Variants in PLCE1 observed in about 807,000 individuals in gnomAD.
PLCE1 encodes 1-phosphatidylinositol 4,5-bisphosphate phosphodiesterase epsilon-1.
In PLCE1, 119 loss-of-function variants were observed where a neutral mutation model predicts 242.8. The observed-to-expected ratio is 0.49, with a 90% CI of 0.42 to 0.57. The LOEUF (loss-of-function observed/expected upper bound fraction) is 0.57. PLCE1 is among the 20% of genes least tolerant of loss of function. The pLI is 0.00. For missense variants in PLCE1, 2,441 were observed against 2,788.8 expected (o/e 0.88, Z 2.81); for synonymous variants, 945 against 1,017.4 (o/e 0.93, Z 1.35).
Position 94,031,881 on chromosome 10 carries a change from G to C in PLCE1, c.835G>C (p.Gly279Arg). Residue 279 changes from glycine to arginine, a missense_variant, in exon 2 of 33, where the codon GGT (glycine) becomes CGT (arginine). Gly to Arg is a moderately radical substitution (Grantham distance 125). Transcript: ENST00000371380. ...TGAGAAGGTTGACATGGTATATTCA[G>C]GTGATAGCTTTTGTAGGAAAGACTT... is the stretch of plus-strand genomic sequence containing the variant. ...SCEKVDMVYS[G>R]DSFCRKDFTD... is the part of the protein sequence containing the mutation. 1 of 1,613,848 alleles carries C rather than the reference G, an allele frequency of 6.2e-7. No individual in the cohort carries two copies. The highest frequency in any genetic ancestry group is 8.5e-7 in the Non-Finnish European group (1 of 1,179,862).
intron 3 of PLCE1, among the ~76,000 whole-genome samples, chr10:94,160,276 A>G (rs934843707): frequency 1.3e-5 from 2 of 152,124 alleles, no homozygotes; most frequent in African/African-American, 4.8e-5. Flanking sequence ...CCTCTCCAGC[A>G]CCTGTTGTTT....
chr10:94,004,549 A>G (rs1223584), intron 1 of PLCE1, among the ~76,000 whole-genome samples: 81,846 of 152,016 alleles, frequency 0.54, 23,139 homozygotes, highest in East Asian at 0.73. Flanking sequence ...TAGCTACTGC[A>G]TGGGTGTCTT....
intron 2 of PLCE1, among the ~76,000 whole-genome samples, chr10:94,127,518 T>G (rs2135852318): frequency 6.6e-6 from 1 of 152,298 alleles, no homozygotes; most frequent in South Asian, 2.1e-4. Context: ...GTACAGGTAT[T>G]TTTCAAGACT....
intron 8 of PLCE1, among the ~76,000 whole-genome samples, chr10:94,249,209 C>G (rs986372258): frequency 6.6e-5 from 10 of 152,170 alleles, no homozygotes; most frequent in African/African-American, 2.4e-4. Context: ...AACAGACACT[C>G]AAGATTTCTT....
At position 94,145,097 on chromosome 10, in the gene PLCE1, G is replaced by A. The variant is rs112062663; in HGVS notation, c.1492+12638G>A. Among the ~76,000 whole-genome samples the A allele has an allele frequency of 5.3e-3, 801 of 152,280 alleles. 6 individuals are homozygous for A. Among genetic ancestry groups the A allele is most frequent in the African/African-American group, 0.017 (709 of 41,546 alleles). On this transcript the variant is annotated intron_variant, in intron 3 of 32. Coordinates refer to ENST00000371380, the MANE Select transcript of PLCE1 (RefSeq NM_016341.4). ...AAATAAAGTAGGGATGCCCCCATGG[G>A]CACCACCCCTTCCAGCCCTCATTGT... is the stretch of plus-strand genomic sequence containing the variant.
intron 2 of PLCE1, among the ~76,000 whole-genome samples, chr10:94,081,614 C>A (rs772210643): frequency 6.6e-6 from 1 of 152,192 alleles, no homozygotes; most frequent in Non-Finnish European, 1.5e-5. Flanking sequence ...CTGCCTAGTA[C>A]CTCTAGTATG....
chr10:94,316,157 G>A (rs952262111), intron 28 of PLCE1, among the ~76,000 whole-genome samples: 1 of 152,122 alleles, frequency 6.6e-6, no homozygotes, highest in Non-Finnish European at 1.5e-5. Context: ...GAAGATGACC[G>A]AGTATTTCCA....
intron 20 of PLCE1, 170 bp from the exon 21 acceptor site, chr10:94,283,620 C>G: frequency 1.6e-6 from 1 of 643,678 alleles, no homozygotes; most frequent in Non-Finnish European, 2.7e-6. Flanking sequence ...TGCATCAACC[C>G]AATTTTTACA....
rs191065222 is a variant in PLCE1 at position 93,997,943 on chromosome 10, G to T, written c.-365+3685G>T. Among the ~76,000 whole-genome samples, 29 of 152,296 alleles carry T rather than the reference G, an allele frequency of 1.9e-4. No individual in the cohort carries two copies. The East Asian group carries it at 2.3e-3, about 12-fold the overall frequency. ...TGTGGGGGCTTACATATTCATAACT[G>T]TTATGGGGTGGAGGGTGGCCGGTGG... On this transcript the variant is annotated intron_variant, in intron 1 of 32. Coordinates refer to ENST00000371380, the MANE Select transcript of PLCE1 (RefSeq NM_016341.4).
intron 2 of PLCE1, among the ~76,000 whole-genome samples, chr10:94,054,925 T>A (rs899454328): frequency 4.8e-5 from 7 of 146,814 alleles, no homozygotes; most frequent in African/African-American, 1.8e-4. Flanking sequence ...GGCAGGAGAA[T>A]GGCGTGAATC....
chr10:94,299,784 T>C (rs2052971511), intron 24 of PLCE1, among the ~76,000 whole-genome samples: 1 of 152,232 alleles, frequency 6.6e-6, no homozygotes, highest in Non-Finnish European at 1.5e-5. Flanking sequence ...ATTAGAGATA[T>C]TGGTCACATT....
intron 19 of PLCE1, among the ~76,000 whole-genome samples, chr10:94,274,888 A>G (rs1358628159): frequency 1.3e-5 from 2 of 152,146 alleles, no homozygotes; most frequent in African/African-American, 4.8e-5. Flanking sequence ...GTTAGCATGT[A>G]TACTCTACCT....
At chr10:94,256,343 AAAG>A (rs2051099689) in intron 11 of PLCE1, among the ~76,000 whole-genome samples, 4 of 113,208 alleles carry the variant, frequency 3.5e-5, no homozygotes, top group African/African-American at 8.6e-5. Flanking sequence ...AAAAAAAAAG[AAAG>A]AAAGAAAGAA....
intron 2 of PLCE1, among the ~76,000 whole-genome samples, chr10:94,045,939 A>C (rs972638782): frequency 1.3e-5 from 2 of 148,662 alleles, no homozygotes; most frequent in African/African-American, 5.0e-5. Flanking sequence ...TGTCTAATAA[A>C]AATACAAAAA....
chr10:94,018,272 T>G (rs949984556), intron 1 of PLCE1, among the ~76,000 whole-genome samples: 1 of 152,196 alleles, frequency 6.6e-6, no homozygotes, highest in Non-Finnish European at 1.5e-5. Flanking sequence ...CTCAGGGCCC[T>G]TCCCACTTTT....
intron 17 of PLCE1, among the ~76,000 whole-genome samples, chr10:94,270,271 G>T (rs1203285459): frequency 6.6e-6 from 1 of 152,178 alleles, no homozygotes; most frequent in Non-Finnish European, 1.5e-5. Context: ...TATGATAGTT[G>T]TTCCTTATAG....
chr10:94,308,246 T>C (rs766611042), intron 26 of PLCE1, among the ~76,000 whole-genome samples: 8 of 152,252 alleles, frequency 5.3e-5, no homozygotes. Flanking sequence ...AAAGCTGCTC[T>C]AAGATGGAAC....
intron 4 of PLCE1, among the ~76,000 whole-genome samples, chr10:94,216,944 GC>G (rs764529075): frequency 1.9e-4 from 28 of 150,990 alleles, no homozygotes; most frequent in East Asian, 1.4e-3. Flanking sequence ...AAAGGCCTGT[GC>G]TTTTACATTA....
chr10:94,275,654 A>G (rs998261947), intron 19 of PLCE1, among the ~76,000 whole-genome samples: 2 of 152,032 alleles, frequency 1.3e-5, no homozygotes, highest in East Asian at 3.9e-4. Flanking sequence ...TGGGCAACAT[A>G]TCAAATCCCC....
Sources: gnomAD v4.1 joint callset for allele counts (sites outside exome capture counted in the v4.1 genomes callset) on GRCh38, gnomAD v4.1.1 for gene constraint, MANE v1.5 for transcripts, NCBI Gene and HGNC (gene_info 2026-07-23, HGNC 2026-07-21) for gene names.